The following PHACTR4 variants were observed in gnomAD, a reference collection of about 807,000 sequenced individuals.
The protein encoded by PHACTR4 is phosphatase and actin regulator 4.
In PHACTR4, 51 loss-of-function variants were observed where a neutral mutation model predicts 72.7. The ratio of observed to expected loss-of-function variants is 0.70; its 90% CI spans 0.56 to 0.89. PHACTR4 has a LOEUF of 0.89. PHACTR4 is among the 40% of genes least tolerant of loss of function. The pLI is 0.00. For synonymous variants in PHACTR4, 255 were observed against 302.5 expected (o/e 0.84, Z 1.63); for missense variants, 731 against 861.8 (o/e 0.85, Z 1.90).
Position 28,400,130 on chromosome 1 carries a change from T to C in PHACTR4, c.-38-7280T>C, listed in dbSNP as rs1259263567. Reference sequence around the variant, plus strand: ...GCTCATGCCTGTAATCCCAGCACTTTGGGAGGCCAAGGTGGGCAGATCACT... The same window carrying C: ...GCTCATGCCTGTAATCCCAGCACTTCGGGAGGCCAAGGTGGGCAGATCACT... On this transcript the variant is annotated intron_variant, in intron 1 of 13. Transcript: ENST00000373839. 2.0e-5 allele frequency among the ~76,000 whole-genome samples: 3 copies of C among 152,240 alleles called. No homozygotes were observed. The East Asian group carries it at 5.8e-4, about 29-fold the overall frequency.
At position 28,477,843 on chromosome 1, in the gene PHACTR4, C is replaced by T. The variant is rs554965226; in HGVS notation, c.1606+1552C>T. ...CTGAGAACACAGGTGTGAGCCACCA[C>T]GCCCAGCTCATTTTTGTATTTTTTT... On this transcript the variant is annotated intron_variant, in intron 8 of 13. Transcript: ENST00000373839. 1.2e-4 allele frequency among the ~76,000 whole-genome samples: 19 copies of T among 152,062 alleles called. No individual in the cohort carries two copies. The East Asian group carries it at 2.7e-3, about 22-fold the overall frequency.
At chr1:28,466,902 A>G (rs1458630553) in intron 6 of PHACTR4, 134 bp downstream of exon 6, 5 of 1,324,888 alleles carry the variant, frequency 3.8e-6, no homozygotes, top group Middle Eastern at 2.2e-4. Context: ...TGACCTCAAT[A>G]TGGAGAAAAG....
chr1:28,395,739 A>G (rs1324521336), intron 1 of PHACTR4, among the ~76,000 whole-genome samples: 1 of 144,986 alleles, frequency 6.9e-6, no homozygotes, highest in East Asian at 2.0e-4. Flanking sequence ...TTCCAGGTTC[A>G]TGCTATTCTG....
intron 8 of PHACTR4, among the ~76,000 whole-genome samples, chr1:28,476,927 C>A (rs1017205473): frequency 1.4e-5 from 2 of 145,696 alleles, no homozygotes; most frequent in Admixed American, 6.8e-5. Context: ...TGTGCCACCA[C>A]ACCTGGCTAA....
chr1:28,417,246 T>A (rs569360352), intron 2 of PHACTR4, among the ~76,000 whole-genome samples: 1 of 152,318 alleles, frequency 6.6e-6, no homozygotes, highest in Non-Finnish European at 1.5e-5. Flanking sequence ...TTATGGGGGA[T>A]ATACCAAGAC....
chr1:28,431,625 A>G (rs985667945), intron 2 of PHACTR4, among the ~76,000 whole-genome samples: 31 of 152,168 alleles, frequency 2.0e-4, no homozygotes, highest in Non-Finnish European at 1.5e-4. Flanking sequence ...AATGACTAAC[A>G]TATAAGAAGA....
intron 2 of PHACTR4, among the ~76,000 whole-genome samples, chr1:28,409,717 A>G (rs950200645): frequency 3.3e-5 from 5 of 152,114 alleles, no homozygotes; most frequent in African/African-American, 1.2e-4. Context: ...ACTAGCAATC[A>G]TCTGGCTCAG....
intron 4 of PHACTR4, among the ~76,000 whole-genome samples, chr1:28,465,200 C>T (rs1389091979): frequency 2.0e-5 from 3 of 152,076 alleles, no homozygotes; most frequent in Admixed American, 6.6e-5. Flanking sequence ...CGGTGGCTCA[C>T]GCCTGTAATC....
At chr1:28,401,843 A>G (rs534094637) in intron 1 of PHACTR4, among the ~76,000 whole-genome samples, 4 of 152,146 alleles carry the variant, frequency 2.6e-5, no homozygotes, top group East Asian at 1.9e-4. Context: ...AAGTGATCCT[A>G]CCACTTCAGT....
rs35369238 is a variant in PHACTR4 at position 28,476,772 on chromosome 1, C to CTTTTTTTT, written c.1606+489_1606+496dup. On this transcript the variant is annotated intron_variant, in intron 8 of 13. Coordinates refer to ENST00000373839, the MANE Select transcript of PHACTR4 (RefSeq NM_001048183.3). Reference sequence around the variant, plus strand: ...GTCTCGTTAGGTTGCCTAGCCTGTTCTTTTTTTTTTTTTTTGAGACGGAGT... The same window carrying CTTTTTTTT: ...GTCTCGTTAGGTTGCCTAGCCTGTTCTTTTTTTTTTTTTTTTTTTTTTTGAGACGGAGT... Among the ~76,000 whole-genome samples the CTTTTTTTT allele has an allele frequency of 1.2e-4, 12 of 98,436 alleles. 2 individuals are homozygous for CTTTTTTTT. The highest frequency in any genetic ancestry group is 5.6e-3 in the Middle Eastern group (1 of 180). The allele number at this position is 98,436 out of a possible 152,430, so 64.6% of individuals were successfully genotyped here. A position where few individuals can be genotyped will look rare whatever the true frequency, so the allele number is the denominator to read the frequency against.
At chr1:28,390,001 T>C (rs955417270) in intron 1 of PHACTR4, among the ~76,000 whole-genome samples, 18 of 152,092 alleles carry the variant, frequency 1.2e-4, no homozygotes, top group Non-Finnish European at 2.6e-4. Flanking sequence ...TAAAGAAAAT[T>C]TGGTATATAT....
chr1:28,413,608 C>A (rs1191496807), intron 2 of PHACTR4, among the ~76,000 whole-genome samples: 2 of 152,030 alleles, frequency 1.3e-5, no homozygotes, highest in Admixed American at 1.3e-4. Context: ...TTAAATTTTT[C>A]TTTTCTACTA....
chr1:28,408,960 G>A (rs1351535728), intron 2 of PHACTR4, among the ~76,000 whole-genome samples: 3 of 151,318 alleles, frequency 2.0e-5, no homozygotes, highest in East Asian at 3.9e-4. Context: ...AATTACAGGC[G>A]TGAGCCACTG....
intron 6 of PHACTR4, 196 bp downstream of exon 6, chr1:28,466,964 C>T (rs1659221714): frequency 1.4e-6 from 1 of 717,090 alleles, no homozygotes; most frequent in African/African-American, 1.8e-5. Context: ...CCTGTAATCC[C>T]AGCACTTTGG....
At position 28,398,453 on chromosome 1, in the gene PHACTR4, G is replaced by GA. The variant is rs1186535688; in HGVS notation, c.-38-8956dup. Among the ~76,000 whole-genome samples, 3 of 152,298 alleles carry GA rather than the reference G, an allele frequency of 2.0e-5. No individual in the cohort carries two copies. The East Asian group carries it at 5.8e-4, about 29-fold the overall frequency. ...GAGAATCACTTGAACCCCACAGGCG[G>GA]AGGGTTGCAGTGAGCCGAGATCATG... On this transcript the variant is annotated intron_variant, in intron 1 of 13. Transcript: ENST00000373839.
In PHACTR4 at chr1:28,471,694, G is replaced by A. The variant is rs142406971; in HGVS notation, c.824-1860G>A. Among the ~76,000 whole-genome samples the A allele has an allele frequency of 7.2e-5, 11 of 152,182 alleles. 1 individual carries two copies. In the East Asian group the frequency reaches 2.1e-3, roughly 29 times the overall value. On this transcript the variant is annotated intron_variant, in intron 6 of 13. Transcript: ENST00000373839. ...TTGCTGAGTCATTGTGGGCTTTGGTGAAACTATAGGAATATATACTGTCAT... is the reference window on the plus strand; with the variant it reads ...TTGCTGAGTCATTGTGGGCTTTGGTAAAACTATAGGAATATATACTGTCAT...
intron 2 of PHACTR4, among the ~76,000 whole-genome samples, chr1:28,408,812 A>G (rs1333718237): frequency 6.7e-6 from 1 of 149,828 alleles, no homozygotes; most frequent in Non-Finnish European, 1.5e-5. Context: ...AGTAGCTGGG[A>G]CTATAGGTGT....
chr1:28,475,503 A>G (rs1033735114), intron 7 of PHACTR4, among the ~76,000 whole-genome samples: 3 of 152,056 alleles, frequency 2.0e-5, no homozygotes, highest in Non-Finnish European at 4.4e-5. Flanking sequence ...TAGTTATATC[A>G]TCTCTAAATG....
chr1:28,462,408 G>A (rs1297846978), intron 4 of PHACTR4, among the ~76,000 whole-genome samples: 1 of 151,226 alleles, frequency 6.6e-6, no homozygotes, highest in East Asian at 2.0e-4. Flanking sequence ...CTCATTTCTT[G>A]TTTTTCACCT....
Sources: gnomAD v4.1 joint callset for allele counts (sites outside exome capture counted in the v4.1 genomes callset) on GRCh38, gnomAD v4.1.1 for gene constraint, MANE v1.5 for transcripts, NCBI Gene and HGNC (gene_info 2026-07-23, HGNC 2026-07-21) for gene names.